The following CD38 variants were observed in gnomAD, a reference collection of about 807,000 sequenced individuals.
CD38 encodes the protein ADP-ribosyl cyclase/cyclic ADP-ribose hydrolase 1.
A neutral mutation model predicts 36.3 loss-of-function variants in CD38; 31 were observed. The observed-to-expected ratio is 0.85, with a 90% confidence interval of 0.64 to 1.15. The LOEUF is 1.15. Ranked by LOEUF, CD38 falls within the 50% of genes most tolerant of loss-of-function variation. The pLI, the probability that CD38 is intolerant of heterozygous loss-of-function variation, is 0.00. For missense variants in CD38, 380 were observed against 371.9 expected, an observed-to-expected ratio of 1.02 and a Z score of -0.18; for synonymous variants, 131 against 135.2, an observed-to-expected ratio of 0.97 and a Z score of 0.22.
At chr4:15,791,281 A>G (rs1342235625) in intron 1 of CD38, among the ~76,000 whole-genome samples, 34 of 28,576 alleles carry the variant, frequency 1.2e-3, no homozygotes, top group Admixed American at 2.3e-3. Context: ...CCGGCCAGCC[A>G]CCCCGTCCGG....
At chr4:15,807,395 T>C (rs1310589513) in intron 1 of CD38, among the ~76,000 whole-genome samples, 2 of 152,228 alleles carry the variant, frequency 1.3e-5, no homozygotes, top group African/African-American at 4.8e-5. Context: ...ATGGTTTGGA[T>C]GCTATTTTTG....
At chr4:15,840,405 T>C in intron 6 of CD38, 47 bp from the exon 7 acceptor site, 2 of 1,279,176 alleles carry the variant, frequency 1.6e-6, no homozygotes, top group Non-Finnish European at 2.2e-6. Flanking sequence ...ACTCCAAAAA[T>C]GTTTGTGAGA....
intron 1 of CD38, among the ~76,000 whole-genome samples, chr4:15,791,260 AG>A (rs1722979471): frequency 2.3e-5 from 1 of 44,150 alleles, no homozygotes; most frequent in Non-Finnish European, 3.8e-5. Context: ...GGAAGTGAGG[AG>A]CCCCTCTGCC....
intron 1 of CD38, among the ~76,000 whole-genome samples, chr4:15,787,222 T>C (rs959971774): frequency 3.3e-5 from 5 of 152,258 alleles, no homozygotes; most frequent in Admixed American, 3.3e-4. Context: ...CGGGGGGCAC[T>C]GAGAGCGAGC....
At chr4:15,780,898 C>A (rs1463420965) in intron 1 of CD38, among the ~76,000 whole-genome samples, 1 of 152,152 alleles carries the variant, frequency 6.6e-6, no homozygotes, top group Non-Finnish European at 1.5e-5. Context: ...CACTTAAGGT[C>A]AGGAGTACAA....
In CD38 at chr4:15,778,584, A is replaced by G; in HGVS notation, c.170A>G (p.Lys57Arg). The G allele has an allele frequency of 1.2e-6, 2 of 1,613,648 alleles. No homozygotes were observed. Among genetic ancestry groups the G allele is most frequent in the Non-Finnish European group, 1.7e-6 (2 of 1,179,974 alleles). Reference sequence around the variant, plus strand: ...CAGTGGAGCGGTCCGGGCACCACCAAGCGCTTTCCCGAGACCGTCCTGGCG... The same window carrying G: ...CAGTGGAGCGGTCCGGGCACCACCAGGCGCTTTCCCGAGACCGTCCTGGCG... ...RQQWSGPGTT[K>R]RFPETVLARC... Residue 57 changes from lysine to arginine, a missense_variant, in exon 1 of 8, where the codon AAG becomes AGG. Physicochemically the swap from Lys to Arg is conservative, Grantham distance 26 (BLOSUM62 2). Transcript: ENST00000226279. The surrounding 1 kb of genome is among the most constrained non-coding windows in gnomAD (Gnocchi z 4.9).
At chr4:15,841,595 C>T (rs1301831105) in intron 7 of CD38, among the ~76,000 whole-genome samples, 1 of 148,670 alleles carries the variant, frequency 6.7e-6, no homozygotes, top group Admixed American at 6.6e-5. Flanking sequence ...GTCTACAGCT[C>T]CCAGCGTGAG....
chr4:15,784,050 G>A (rs1343267010), intron 1 of CD38, among the ~76,000 whole-genome samples: 1 of 152,190 alleles, frequency 6.6e-6, no homozygotes. Context: ...GGACCAACCT[G>A]GGAACAGAGC....
chr4:15,835,671 C>A (rs906633618), intron 4 of CD38, among the ~76,000 whole-genome samples: 1 of 152,062 alleles, frequency 6.6e-6, no homozygotes, highest in Non-Finnish European at 1.5e-5. Context: ...GGCCACCATG[C>A]CCGGCTAATT....
chr4:15,832,731 G>A (rs564110101), intron 3 of CD38, among the ~76,000 whole-genome samples: 1 of 152,242 alleles, frequency 6.6e-6, no homozygotes, highest in African/African-American at 2.4e-5. Context: ...CTTCCTAGCT[G>A]CCATCTATAT....
chr4:15,839,283 A>G (rs1407499018), intron 5 of CD38, among the ~76,000 whole-genome samples: 1 of 152,104 alleles, frequency 6.6e-6, no homozygotes, highest in Non-Finnish European at 1.5e-5. Flanking sequence ...AGAGTTTAGG[A>G]ATGGGATTAG....
Position 15,848,729 on chromosome 4 carries a change from A to G in CD38, c.*127A>G. On this transcript the variant is annotated 3_prime_UTR_variant, in exon 8 of 8. Coordinates refer to ENST00000226279, the MANE Select transcript of CD38 (RefSeq NM_001775.4). ...TCCTCCACAATAAGGTCAATGCCAG[A>G]GACGGAAGCCTTTTTCCCCAAAGTC... 1 of 631,490 alleles carries G rather than the reference A, an allele frequency of 1.6e-6. No individual in the cohort carries two copies. The highest frequency in any genetic ancestry group is 2.3e-5 in the South Asian group (1 of 44,172). 39.1% of individuals were successfully genotyped at this position (631,490 alleles called of 1,614,324 possible). A position where few individuals can be genotyped will look rare whatever the true frequency, so the allele number is the denominator to read the frequency against.
chr4:15,841,920 A>G (rs1364813816), intron 7 of CD38, among the ~76,000 whole-genome samples: 21 of 131,288 alleles, frequency 1.6e-4, no homozygotes, highest in Admixed American at 2.9e-4. Context: ...CGCCCACGGA[A>G]TCTCGCTGAT....
chr4:15,805,917 TG>T (rs1224307183), intron 1 of CD38, among the ~76,000 whole-genome samples: 2 of 152,216 alleles, frequency 1.3e-5, no homozygotes, highest in African/African-American at 4.8e-5. Context: ...AACTGACAGC[TG>T]TAAAATTTAA....
intron 7 of CD38, among the ~76,000 whole-genome samples, chr4:15,842,159 T>A (rs1724227041): frequency 6.4e-5 from 6 of 93,148 alleles, no homozygotes; most frequent in Admixed American, 1.0e-4. Context: ...TAAGTGTCCC[T>A]GTCTGACAGC....
chr4:15,782,211 C>T (rs986389809), intron 1 of CD38, among the ~76,000 whole-genome samples: 1 of 152,248 alleles, frequency 6.6e-6, no homozygotes, highest in African/African-American at 2.4e-5. Flanking sequence ...TTCAGATCCA[C>T]AACTGGCACA....
At chr4:15,823,889 C>T (rs1723791113) in intron 2 of CD38, among the ~76,000 whole-genome samples, 3 of 152,124 alleles carry the variant, frequency 2.0e-5, no homozygotes, top group Admixed American at 2.0e-4. Context: ...ATAGCAAAGA[C>T]ATGGAATCAA....
At chr4:15,839,977 G>C in intron 5 of CD38, 49 bp from the exon 6 acceptor site, 1 of 1,286,630 alleles carries the variant, frequency 7.8e-7, no homozygotes, top group Non-Finnish European at 1.1e-6. Context: ...GGGTGTGGAT[G>C]CTTTCGTTTG....
At chr4:15,800,024 T>G (rs547697869) in intron 1 of CD38, among the ~76,000 whole-genome samples, 1 of 152,000 alleles carries the variant, frequency 6.6e-6, no homozygotes, top group Admixed American at 6.6e-5. Context: ...ACTCGGGGGG[T>G]ATGCCTGCAG....
Sources: allele counts gnomAD v4.1 joint callset (sites outside exome capture counted in the v4.1 genomes callset), GRCh38; gene constraint gnomAD v4.1.1; non-coding constraint Gnocchi (gnomAD v3.1); transcripts MANE v1.5; gene names NCBI Gene and HGNC (gene_info 2026-07-23, HGNC 2026-07-21).